Variants in FANCM observed in about 807,000 individuals in gnomAD.
The protein encoded by FANCM is FA complementation group M, also known as Fanconi anemia group M protein.
Under a neutral mutation model 199.5 loss-of-function variants are expected in FANCM, and 140 were observed. The observed-to-expected ratio is 0.70, with a 90% CI of 0.61 to 0.81. FANCM has a LOEUF of 0.81. Ranked by LOEUF, FANCM falls within the 30% of genes least tolerant of loss-of-function variation. The probability of loss-of-function intolerance (pLI) is 0.00; values close to 1 mark genes in which losing one functional copy is unlikely to be tolerated. For missense variants in FANCM, 2,410 were observed against 2,421.4 expected (o/e 1.00, Z 0.10); for synonymous variants, 840 against 836.8 (o/e 1.00, Z -0.07).
At position 45,185,253 on chromosome 14, in the gene FANCM, C is replaced by A. The variant is rs1474340303; in HGVS notation, c.4552C>A (p.Leu1518Ile). ...ARKFLDDEAE[L>I]SEEDAEYVSS... Reference sequence around the variant, plus strand: ...GAAGTTTTTAGATGATGAAGCAGAACTTTCTGAAGAAGATGCAGAATATGT... The same window carrying A: ...GAAGTTTTTAGATGATGAAGCAGAAATTTCTGAAGAAGATGCAGAATATGT... The change falls in exon 18 of 23, where the codon CTT (leucine) becomes ATT (isoleucine). Residue 1518 changes from leucine (L) to isoleucine (I), a missense_variant. Physicochemically the swap from Leu to Ile is conservative, Grantham distance 5 (BLOSUM62 2). Transcript: ENST00000267430. The A allele has an allele frequency of 6.2e-7, 1 of 1,604,976 alleles. No individual in the cohort carries two copies. The highest frequency in any genetic ancestry group is 2.2e-5 in the East Asian group (1 of 44,686).
At chr14:45,181,060 A>T (rs926172546) in intron 14 of FANCM, among the ~76,000 whole-genome samples, 1 of 152,236 alleles carries the variant, frequency 6.6e-6, no homozygotes, top group Non-Finnish European at 1.5e-5. Context: ...TAGAAAGAGA[A>T]TAAGACACAA....
chr14:45,140,603 T>C, intron 2 of FANCM, 29 bp from the exon 3 acceptor site: 1 of 1,249,404 alleles, frequency 8.0e-7, no homozygotes, highest in Non-Finnish European at 1.2e-6. Flanking sequence ...ATTGAACAGA[T>C]GAAACTAAAG....
rs1888043499 is a variant in FANCM, at chr14:45,167,174, T to C, written c.2002+11T>C. 1.9e-6 allele frequency: 3 copies of C among 1,549,930 alleles called. No homozygotes were observed. The African/African-American group carries it at 4.1e-5, about 21-fold the overall frequency. The stretch of plus-strand genomic sequence containing the variant: ...TTTCCTATAGGGATGGTAAATAAAT[T>C]TTGCATTTGACACATGCATTTTTCC... On this transcript the variant is annotated intron_variant, in intron 11 of 22. Transcript: ENST00000267430.
rs76211390 is a variant in FANCM, at chr14:45,148,561, T to C, written c.760-276T>C. On this transcript the variant is annotated intron_variant, in intron 3 of 22. Transcript: ENST00000267430. ...TATTTGTAAAGTACCAAACTACATTTGAGGAACTTTTTGGACATTTACAAA... is the reference window on the plus strand; with the variant it reads ...TATTTGTAAAGTACCAAACTACATTCGAGGAACTTTTTGGACATTTACAAA... Among the ~76,000 whole-genome samples, 4,231 of 152,286 alleles carry C rather than the reference T, an allele frequency of 0.028. 96 individuals carry two copies. Among genetic ancestry groups the C allele is most frequent in the Middle Eastern group, 0.054 (16 of 294 alleles).
At chr14:45,165,567 T>A (rs1887912637) in intron 10 of FANCM, among the ~76,000 whole-genome samples, 1 of 152,128 alleles carries the variant, frequency 6.6e-6, no homozygotes, top group Non-Finnish European at 1.5e-5. Context: ...AAAAACAAAC[T>A]GATTTTAAAT....
At position 45,151,547 on chromosome 14, in the gene FANCM, A is replaced by G; in HGVS notation, c.1050+19A>G. 1 of 1,604,916 alleles carries G rather than the reference A, an allele frequency of 6.2e-7. No individual in the cohort carries two copies. The highest frequency in any genetic ancestry group is 2.2e-5 in the East Asian group (1 of 44,714). On this transcript the variant is annotated intron_variant, in intron 5 of 22. Coordinates refer to ENST00000267430, the MANE Select transcript of FANCM (RefSeq NM_020937.4). ...TATTGTGGTAGGTATTTTTAAATAAATTTTGATGACAGATTAAATTTTCAC... is the reference window on the plus strand; with the variant it reads ...TATTGTGGTAGGTATTTTTAAATAAGTTTTGATGACAGATTAAATTTTCAC...
chr14:45,191,713 T>C (rs537673429), intron 20 of FANCM, among the ~76,000 whole-genome samples: 1 of 152,210 alleles, frequency 6.6e-6, no homozygotes, highest in African/African-American at 2.4e-5. Flanking sequence ...TACTTGAAAT[T>C]AGGAGGAGAA....
intron 16 of FANCM, among the ~76,000 whole-genome samples, chr14:45,181,932 T>C (rs573761376): frequency 2.0e-5 from 3 of 152,226 alleles, no homozygotes; most frequent in Non-Finnish European, 4.4e-5. Context: ...TTAGACTCTT[T>C]AAAAACCATC....
At chr14:45,155,791 C>G (rs1294331065) in intron 8 of FANCM, among the ~76,000 whole-genome samples, 1 of 152,186 alleles carries the variant, frequency 6.6e-6, no homozygotes, top group Non-Finnish European at 1.5e-5. Flanking sequence ...AAGAGCAAAA[C>G]TTGAAATAAA....
intron 5 of FANCM, among the ~76,000 whole-genome samples, chr14:45,151,964 A>G (rs1324116016): frequency 6.6e-6 from 1 of 151,504 alleles, no homozygotes; most frequent in African/African-American, 2.4e-5. Context: ...TTATAAAAGC[A>G]TGAGAAAAAT....
In FANCM at chr14:45,155,242, C is replaced by T. The variant is rs368004477; in HGVS notation, c.1310-131C>T. 2.4e-5 allele frequency: 13 copies of T among 543,898 alleles called. No individual in the cohort carries two copies. The African/African-American group carries it at 2.5e-4, about 10-fold the overall frequency. The allele number at this position is 543,898 out of a possible 1,614,324, so 33.7% of individuals were successfully genotyped here. ...CTTACGTGCTACCTAGATGTTACCTCTGGTTTAAGTTTTTTAAAAATTAAA... is the reference window on the plus strand; with the variant it reads ...CTTACGTGCTACCTAGATGTTACCTTTGGTTTAAGTTTTTTAAAAATTAAA... On this transcript the variant is annotated intron_variant, in intron 7 of 22. Coordinates refer to ENST00000267430, the MANE Select transcript of FANCM (RefSeq NM_020937.4).
chr14:45,168,208 TC>T (rs1888110153), intron 11 of FANCM, among the ~76,000 whole-genome samples: 1 of 152,156 alleles, frequency 6.6e-6, no homozygotes, highest in Non-Finnish European at 1.5e-5. Flanking sequence ...TAATGTTCTT[TC>T]CCTTAACTCA....
At chr14:45,172,847 A>G (rs1484965753) in intron 12 of FANCM, among the ~76,000 whole-genome samples, 5 of 152,204 alleles carry the variant, frequency 3.3e-5, no homozygotes, top group Non-Finnish European at 1.5e-5. Flanking sequence ...TGTAAGTCAT[A>G]TAACAGTTAC....
At chr14:45,194,145 T>C (rs937165971) in intron 20 of FANCM, among the ~76,000 whole-genome samples, 25 of 151,776 alleles carry the variant, frequency 1.6e-4, no homozygotes, top group African/African-American at 6.0e-4. Flanking sequence ...CTACTAAAAA[T>C]ATAAAAATCA....
Position 45,196,689 on chromosome 14 carries a change from A to T in FANCM, c.5716+142A>T, listed in dbSNP as rs1207422647. ...TGAATGTCATTTCATATTTTCATAC[A>T]GCCATAATGGCTTTCATTAGTCATT... is the stretch of plus-strand genomic sequence containing the variant. On this transcript the variant is annotated intron_variant, in intron 21 of 22. Coordinates refer to ENST00000267430, the MANE Select transcript of FANCM (RefSeq NM_020937.4). 4 of 827,876 alleles carry T rather than the reference A, an allele frequency of 4.8e-6. No individual in the cohort carries two copies. In the East Asian group the frequency reaches 1.1e-4, roughly 22 times the overall value. The allele number at this position is 827,876 out of a possible 1,614,324, so 51.3% of individuals were successfully genotyped here.
rs111933499 is a variant in FANCM, at chr14:45,179,068, A to G, written c.4222+2092A>G. Reference sequence around the variant, plus strand: ...ACAAAAATTAGCCAGGCGTCGTGGCACGTTCCTGTAGTCCCAGCTACTCAG... The same window carrying G: ...ACAAAAATTAGCCAGGCGTCGTGGCGCGTTCCTGTAGTCCCAGCTACTCAG... On this transcript the variant is annotated intron_variant, in intron 14 of 22. Transcript: ENST00000267430. 7.3e-3 allele frequency among the ~76,000 whole-genome samples: 1,115 copies of G among 152,150 alleles called. 25 individuals are homozygous for G. The highest frequency in any genetic ancestry group is 0.026 in the African/African-American group (1,061 of 41,490).
intron 20 of FANCM, 96 bp from the exon 21 acceptor site, chr14:45,196,076 A>G: frequency 2.3e-6 from 3 of 1,289,742 alleles, no homozygotes; most frequent in Non-Finnish European, 1.1e-6. Flanking sequence ...CGAAAACTGG[A>G]CATTCTCATT....
At position 45,175,209 on chromosome 14, in the gene FANCM, A is replaced by G. The variant is rs1888587092; in HGVS notation, c.2455A>G (p.Lys819Glu). ...CACTCACAAGAAATCGTCATTTATA[A>G]AGAACATAAATCAAGGCAGTTCATC... ...FITHKKSSFI[K>E]NINQGSSSSV... The change falls in exon 14 of 23, where the codon AAG becomes GAG. Residue 819 changes from lysine (K) to glutamate (E), a missense_variant. Physicochemically the swap from Lys to Glu is moderately conservative, Grantham distance 56 (BLOSUM62 1). Transcript: ENST00000267430. 1.9e-6 allele frequency: 3 copies of G among 1,612,166 alleles called. No individual in the cohort carries two copies. In the African/African-American group the frequency reaches 4.0e-5, roughly 21 times the overall value.
Position 45,197,898 on chromosome 14 carries a change from A to G in FANCM, c.5717-746A>G, listed in dbSNP as rs113611911. 2.5e-3 allele frequency among the ~76,000 whole-genome samples: 371 copies of G among 150,934 alleles called. 6 individuals are homozygous for G. The highest frequency in any genetic ancestry group is 8.7e-3 in the African/African-American group (358 of 40,986). On this transcript the variant is annotated intron_variant, in intron 21 of 22. Transcript: ENST00000267430. The stretch of plus-strand genomic sequence containing the variant: ...CCTGCCTCAGTCTTCTGAGTAGCTG[A>G]GACTACAGGTGCGTGCCACCATGCT...
Sources: allele counts gnomAD v4.1 joint callset (sites outside exome capture counted in the v4.1 genomes callset), GRCh38; gene constraint gnomAD v4.1.1; transcripts MANE v1.5; gene names NCBI Gene and HGNC (gene_info 2026-07-23, HGNC 2026-07-21).